PRR5L: variants seen among roughly 807,000 people sequenced by gnomAD.
PRR5L encodes the protein proline-rich protein 5-like.
PRR5L carries 21 observed loss-of-function variants against 36.4 expected under a neutral mutation model. The ratio of observed to expected loss-of-function variants is 0.58; its 90% CI spans 0.41 to 0.83. The LOEUF (loss-of-function observed/expected upper bound fraction) is 0.83, where lower values mean the gene tolerates loss of function less well. Among genes scored for constraint, PRR5L ranks in the 40% least tolerant of loss-of-function variants. PRR5L has a pLI of 0.00. For missense variants in PRR5L, 381 were observed against 473.3 expected, an observed-to-expected ratio of 0.80 and a Z score of 1.81; for synonymous variants, 188 against 197.0, an observed-to-expected ratio of 0.95 and a Z score of 0.38.
chr11:36,403,374 A>G lies in PRR5L; in HGVS notation c.241A>G (p.Ile81Val), dbSNP rs1857838845. ...CGAGCTCTATGCCCTGAACGAAAAC[A>G]TCAGGTATGTGGCAGGCCAGACTTG... ...SNELYALNEN[I>V]RRLLKSELGS... Residue 81 changes from isoleucine to valine, a missense_variant, in exon 3 of 9, where the codon ATC becomes GTC. Ile to Val is a conservative substitution (Grantham distance 29, BLOSUM62 3). Coordinates refer to ENST00000530639, the MANE Select transcript of PRR5L (RefSeq NM_001160167.2). The G allele has an allele frequency of 4.3e-6, 7 of 1,613,824 alleles. No individual in the cohort carries two copies. The highest frequency in any genetic ancestry group is 5.9e-6 in the Non-Finnish European group (7 of 1,179,818).
rs1565424833 is a variant in PRR5L at position 36,374,107 on chromosome 11, TC to T, written c.-125-26889del. 1.1e-4 allele frequency among the ~76,000 whole-genome samples: 10 copies of T among 90,550 alleles called. No homozygotes were observed. In the East Asian group the frequency reaches 3.4e-3, roughly 31 times the overall value. 59.4% of individuals were successfully genotyped at this position (90,550 alleles called of 152,430 possible). On this transcript the variant is annotated intron_variant, in intron 1 of 8. Transcript: ENST00000530639. ...CTTCCTTCCTTCCTTCCTTCCTTCC[TC>T]TCTCTCTCTCTCTCTTTCTTTCTTT...
intron 1 of PRR5L, among the ~76,000 whole-genome samples, chr11:36,335,291 T>G (rs1254103795): frequency 6.6e-6 from 1 of 152,138 alleles, no homozygotes; most frequent in Non-Finnish European, 1.5e-5. Context: ...TCTCGAGCTC[T>G]TGGGCTCAAG....
intron 1 of PRR5L, among the ~76,000 whole-genome samples, chr11:36,330,093 G>A (rs1584228): frequency 0.097 from 14,720 of 152,080 alleles, 1,306 homozygotes; most frequent in African/African-American, 0.24. Flanking sequence ...TTAAACTTAC[G>A]CAAATAGCTG....
chr11:36,324,865 C>G (rs1856644329), intron 1 of PRR5L, among the ~76,000 whole-genome samples: 1 of 151,978 alleles, frequency 6.6e-6, no homozygotes, highest in African/African-American at 2.4e-5. Context: ...TTTTTATTTT[C>G]TTAATTTTAG....
intron 3 of PRR5L, among the ~76,000 whole-genome samples, chr11:36,411,149 C>T (rs1224701989): frequency 6.6e-6 from 1 of 152,306 alleles, no homozygotes; most frequent in East Asian, 1.9e-4. Context: ...ATTTTGCCAC[C>T]TTGGGTCTTT....
intron 1 of PRR5L, among the ~76,000 whole-genome samples, chr11:36,318,824 T>C (rs140772597): frequency 1.3e-5 from 2 of 151,546 alleles, no homozygotes; most frequent in African/African-American, 4.8e-5. Context: ...AGAAGGGAAA[T>C]GGGAGGGAAA....
At chr11:36,351,223 T>C (rs1365558979) in intron 1 of PRR5L, among the ~76,000 whole-genome samples, 2 of 85,006 alleles carry the variant, frequency 2.4e-5, no homozygotes, top group Non-Finnish European at 3.9e-5. Flanking sequence ...TATAAATATA[T>C]ATATTTATAT....
intron 1 of PRR5L, among the ~76,000 whole-genome samples, chr11:36,301,303 A>C (rs1856373906): frequency 6.6e-6 from 1 of 152,130 alleles, no homozygotes; most frequent in African/African-American, 2.4e-5. Context: ...AGTTGTGACC[A>C]GAGTGGGTTT....
intron 3 of PRR5L, among the ~76,000 whole-genome samples, chr11:36,412,820 G>A (rs1192704606): frequency 6.6e-6 from 1 of 152,128 alleles, no homozygotes; most frequent in Non-Finnish European, 1.5e-5. Flanking sequence ...TAGGGCCCAG[G>A]AGAAATCATT....
chr11:36,376,892 C>G (rs1423513870), intron 1 of PRR5L, among the ~76,000 whole-genome samples: 1 of 152,028 alleles, frequency 6.6e-6, no homozygotes, highest in Non-Finnish European at 1.5e-5. Context: ...AAGGATCCTC[C>G]GATCGGACGC....
intron 2 of PRR5L, among the ~76,000 whole-genome samples, 189 bp from the exon 3 acceptor site, chr11:36,403,109 T>C (rs1279750820): frequency 1.3e-5 from 2 of 152,178 alleles, no homozygotes; most frequent in African/African-American, 2.4e-5. Flanking sequence ...GGGGCTGCTT[T>C]TGAGTCCTTT....
intron 4 of PRR5L, chr11:36,425,364 G>A (rs548250548): frequency 3.9e-5 from 6 of 152,220 alleles, no homozygotes; most frequent in African/African-American, 1.4e-4. Flanking sequence ...CAGGTCATCT[G>A]GCCACAGAAG....
intron 1 of PRR5L, among the ~76,000 whole-genome samples, chr11:36,314,741 A>G (rs1315996105): frequency 3.3e-5 from 5 of 152,198 alleles, no homozygotes; most frequent in African/African-American, 1.2e-4. Flanking sequence ...TTGATGTATG[A>G]AGACGGCGCT....
chr11:36,318,833 A>G (rs1590436656), intron 1 of PRR5L, among the ~76,000 whole-genome samples: 1 of 152,094 alleles, frequency 6.6e-6, no homozygotes, highest in Non-Finnish European at 1.5e-5. Context: ...ATGGGAGGGA[A>G]AGGCCAAAAA....
intron 7 of PRR5L, among the ~76,000 whole-genome samples, chr11:36,448,677 T>C (rs1858883950): frequency 6.6e-6 from 1 of 152,142 alleles, no homozygotes; most frequent in African/African-American, 2.4e-5. Context: ...CTCACACCCA[T>C]GTTGGTGACC....
intron 1 of PRR5L, among the ~76,000 whole-genome samples, chr11:36,357,199 C>T (rs1189765536): frequency 6.6e-6 from 1 of 152,150 alleles, no homozygotes; most frequent in Non-Finnish European, 1.5e-5. Context: ...CTCTTTAATC[C>T]TATGAAGCCT....
chr11:36,431,610 AGGGATGAGGGT>A (rs1384652900), intron 4 of PRR5L, among the ~76,000 whole-genome samples: 7 of 152,194 alleles, frequency 4.6e-5, no homozygotes, highest in Non-Finnish European at 8.8e-5. Context: ...CCCTCGTCTG[AGGGATGAGGGT>A]GGCGGTTGGG....
At chr11:36,313,768 CTAAA>C (rs1856527973) in intron 1 of PRR5L, among the ~76,000 whole-genome samples, 1 of 152,316 alleles carries the variant, frequency 6.6e-6, no homozygotes, top group Admixed American at 6.5e-5. Flanking sequence ...AGGAAGAATA[CTAAA>C]TAGAGTTTGC....
At chr11:36,421,527 TAC>T (rs1858265626) in intron 4 of PRR5L, among the ~76,000 whole-genome samples, 2 of 152,226 alleles carry the variant, frequency 1.3e-5, no homozygotes, top group African/African-American at 4.8e-5. Flanking sequence ...CTCTCCTAGA[TAC>T]AGTTTTGTTT....
Sources: gnomAD v4.1 joint callset for allele counts (sites outside exome capture counted in the v4.1 genomes callset) on GRCh38, gnomAD v4.1.1 for gene constraint, MANE v1.5 for transcripts, NCBI Gene and HGNC (gene_info 2026-07-23, HGNC 2026-07-21) for gene names.